LARP1B: variants seen among roughly 807,000 people sequenced by gnomAD.
LARP1B encodes the protein la-related protein 1B.
A neutral mutation model predicts 114.2 loss-of-function variants in LARP1B; 76 were observed. The ratio of observed to expected loss-of-function variants is 0.67; its 90% CI spans 0.55 to 0.81. The LOEUF is 0.81. Among genes scored for constraint, LARP1B ranks in the 30% least tolerant of loss-of-function variants. LARP1B has a pLI of 0.00. For missense variants in LARP1B, 1,014 were observed against 1,075.8 expected (o/e 0.94, Z 0.80); for synonymous variants, 345 against 348.0 (o/e 0.99, Z 0.10).
intron 8 of LARP1B, among the ~76,000 whole-genome samples, chr4:128,105,099 T>C (rs1781613975): frequency 1.3e-5 from 2 of 151,756 alleles, no homozygotes; most frequent in South Asian, 4.2e-4. Context: ...CATTCAGGGA[T>C]AGATAATACA....
At chr4:128,156,389 A>C (rs1013453927) in intron 11 of LARP1B, among the ~76,000 whole-genome samples, 1 of 152,032 alleles carries the variant, frequency 6.6e-6, no homozygotes, top group African/African-American at 2.4e-5. Context: ...AAAGCTGCCC[A>C]TTGTTTCTCT....
intron 8 of LARP1B, among the ~76,000 whole-genome samples, chr4:128,105,237 G>T (rs1781666241): frequency 6.6e-6 from 1 of 152,098 alleles, no homozygotes; most frequent in South Asian, 2.1e-4. Flanking sequence ...TCTAGTCAGT[G>T]TCACACAGCC....
At chr4:128,063,807 T>A (rs1292924559) in intron 1 of LARP1B, among the ~76,000 whole-genome samples, 1 of 151,974 alleles carries the variant, frequency 6.6e-6, no homozygotes, top group Non-Finnish European at 1.5e-5. Flanking sequence ...AACAAAACCG[T>A]ATCTTTCTAA....
chr4:128,145,490 C>G (rs887463478), intron 11 of LARP1B, among the ~76,000 whole-genome samples: 4 of 152,150 alleles, frequency 2.6e-5, no homozygotes, highest in African/African-American at 9.7e-5. Flanking sequence ...GTAGTCTTAT[C>G]CTGAACATAT....
intron 15 of LARP1B, among the ~76,000 whole-genome samples, chr4:128,179,798 C>G (rs1244447866): frequency 6.6e-6 from 1 of 151,914 alleles, no homozygotes; most frequent in Admixed American, 6.6e-5. Context: ...GGAAAGTTCC[C>G]AGAGTCTTAG....
chr4:128,149,547 C>T (rs183733010), intron 11 of LARP1B, among the ~76,000 whole-genome samples: 109 of 152,142 alleles, frequency 7.2e-4, no homozygotes, highest in Admixed American at 1.7e-3. Flanking sequence ...AATTGGGAAG[C>T]GATTTTAAAG....
chr4:128,194,682 CAAAAAAAAAAAAA>C (rs56843140), intron 15 of LARP1B, among the ~76,000 whole-genome samples: 14 of 25,910 alleles, frequency 5.4e-4, no homozygotes, highest in Non-Finnish European at 7.9e-4. Context: ...GACTCTGTCT[CAAAAAAAAAAAAA>C]AAAAAAAAAA....
Position 128,127,072 on chromosome 4 carries a change from A to G in LARP1B, c.1524+4884A>G, listed in dbSNP as rs531749118. ...TTCCCAACAGTGACAACCAATAGAC[A>G]TTGGAATGATAGCTTTAATTTGCCA... On this transcript the variant is annotated intron_variant, in intron 11 of 19. Transcript: ENST00000326639. 1.1e-4 allele frequency among the ~76,000 whole-genome samples: 16 copies of G among 152,336 alleles called. 1 individual carries two copies. Among genetic ancestry groups the G allele is most frequent in the African/African-American group, 3.8e-4 (16 of 41,580 alleles).
chr4:128,138,632 C>T (rs547033421), intron 11 of LARP1B, among the ~76,000 whole-genome samples: 50 of 152,108 alleles, frequency 3.3e-4, no homozygotes, highest in African/African-American at 1.0e-3. Flanking sequence ...TTCATGAGAA[C>T]GTGAATGAGA....
intron 17 of LARP1B, among the ~76,000 whole-genome samples, chr4:128,202,452 T>C (rs1485439462): frequency 2.6e-5 from 4 of 152,238 alleles, no homozygotes; most frequent in African/African-American, 7.2e-5. Flanking sequence ...TTGCAAAACA[T>C]ATATCTTTTT....
intron 1 of LARP1B, among the ~76,000 whole-genome samples, chr4:128,063,501 C>T (rs1761194993): frequency 6.7e-6 from 1 of 149,868 alleles, no homozygotes; most frequent in Non-Finnish European, 1.5e-5. Flanking sequence ...AGTATCTGGC[C>T]GGGCGCGGTG....
At chr4:128,185,411 T>C (rs1004073591) in intron 15 of LARP1B, among the ~76,000 whole-genome samples, 22 of 152,166 alleles carry the variant, frequency 1.4e-4, no homozygotes, top group African/African-American at 5.3e-4. Flanking sequence ...TTTGATTTTC[T>C]TTATCTTCTT....
intron 11 of LARP1B, among the ~76,000 whole-genome samples, chr4:128,151,624 G>C (rs1455026424): frequency 6.6e-6 from 1 of 151,102 alleles, no homozygotes; most frequent in Admixed American, 6.6e-5. Context: ...TTTTTTTAAG[G>C]TGGAGTCTCG....
At chr4:128,074,796 G>A in intron 2 of LARP1B, 138 bp from the exon 3 acceptor site, 1 of 586,344 alleles carries the variant, frequency 1.7e-6, no homozygotes, top group Non-Finnish European at 3.0e-6. Flanking sequence ...GAAACTTTTT[G>A]ATTAATTTGG....
At chr4:128,078,211 T>TA (rs892771116) in intron 4 of LARP1B, among the ~76,000 whole-genome samples, 2 of 152,242 alleles carry the variant, frequency 1.3e-5, no homozygotes, top group African/African-American at 4.8e-5. Context: ...CAGTTGTAGA[T>TA]ACATTCTTGG....
chr4:128,155,985 A>G, intron 11 of LARP1B: 2 of 1,542,194 alleles, frequency 1.3e-6, no homozygotes, highest in South Asian at 1.2e-5. Context: ...GCCGCCCTGT[A>G]CCTTGTATCT....
intron 11 of LARP1B, among the ~76,000 whole-genome samples, chr4:128,159,239 C>T (rs1196824629): frequency 6.6e-6 from 1 of 151,554 alleles, no homozygotes; most frequent in Non-Finnish European, 1.5e-5. Context: ...CATTTCTTAT[C>T]ACAAATGTAT....
chr4:128,115,541 A>C (rs1785499853), intron 10 of LARP1B, among the ~76,000 whole-genome samples: 1 of 152,232 alleles, frequency 6.6e-6, no homozygotes, highest in African/African-American at 2.4e-5. Context: ...ACTGCACTCC[A>C]GGGAGGGTGA....
intron 11 of LARP1B, among the ~76,000 whole-genome samples, chr4:128,151,940 A>C (rs2150327180): frequency 6.6e-6 from 1 of 152,204 alleles, no homozygotes; most frequent in African/African-American, 2.4e-5. Context: ...TACATAGGCA[A>C]TGTGCCTTGT....
Sources: gnomAD v4.1 joint callset for allele counts (sites outside exome capture counted in the v4.1 genomes callset) on GRCh38, gnomAD v4.1.1 for gene constraint, MANE v1.5 for transcripts, NCBI Gene and HGNC (gene_info 2026-07-23, HGNC 2026-07-21) for gene names.